The following GNG7 variants were observed in gnomAD, a reference collection of about 807,000 sequenced individuals.
The protein encoded by GNG7 is G protein subunit gamma 7, also known as guanine nucleotide-binding protein G(I)/G(S)/G(O) subunit gamma-7.
GNG7 carries 1 observed loss-of-function variant against 4.0 expected under a neutral mutation model. The ratio of observed to expected loss-of-function variants is 0.25; its 90% CI spans 0.09 to 1.18. The LOEUF (loss-of-function observed/expected upper bound fraction) is 1.18. Ranked by LOEUF, GNG7 falls within the 50% of genes most tolerant of loss-of-function variation. The probability of loss-of-function intolerance (pLI) is 0.50; values close to 1 mark genes in which losing one functional copy is unlikely to be tolerated. For synonymous variants in GNG7, 34 were observed against 36.9 expected, an observed-to-expected ratio of 0.92 and a Z score of 0.29; for missense variants, 86 against 91.9, an observed-to-expected ratio of 0.94 and a Z score of 0.26.
intron 1 of GNG7, among the ~76,000 whole-genome samples, chr19:2,655,249 AG>A (rs1464172056): frequency 6.6e-6 from 1 of 151,890 alleles, no homozygotes; most frequent in Non-Finnish European, 1.5e-5. Flanking sequence ...CTCAAAAAAA[AG>A]AGGGGGTTAA....
At chr19:2,594,358 G>A (rs1295069703) in intron 2 of GNG7, among the ~76,000 whole-genome samples, 1 of 150,610 alleles carries the variant, frequency 6.6e-6, no homozygotes, top group East Asian at 1.9e-4. Context: ...CTAGGCGACA[G>A]AGTGAGACTC....
At chr19:2,628,869 C>T (rs150157113) in intron 2 of GNG7, among the ~76,000 whole-genome samples, 163 of 152,246 alleles carry the variant, frequency 1.1e-3, no homozygotes, top group African/African-American at 3.7e-3. Context: ...ATCCCTTTAC[C>T]GAACACACGA....
At chr19:2,690,504 G>T (rs978127773) in intron 1 of GNG7, among the ~76,000 whole-genome samples, 2 of 152,194 alleles carry the variant, frequency 1.3e-5, no homozygotes, top group Non-Finnish European at 2.9e-5. Flanking sequence ...TGGACTGGAC[G>T]TGCTCCAAGC....
At chr19:2,574,403 C>T (rs1352694351) in intron 2 of GNG7, among the ~76,000 whole-genome samples, 1 of 152,242 alleles carries the variant, frequency 6.6e-6, no homozygotes, top group Admixed American at 6.5e-5. Flanking sequence ...TCCCCAGCCC[C>T]TGGCACTCAC....
At chr19:2,516,841 G>C (rs3752175) in intron 4 of GNG7, 26,067 of 152,402 alleles carry the variant, frequency 0.17, 2,351 homozygotes, top group African/African-American at 0.22. Flanking sequence ...TCACAGGAGG[G>C]ACCCCCTGCC....
At chr19:2,621,192 C>T (rs1385893816) in intron 2 of GNG7, among the ~76,000 whole-genome samples, 1 of 152,106 alleles carries the variant, frequency 6.6e-6, no homozygotes, top group South Asian at 2.1e-4. Context: ...CGGGGAACCT[C>T]GGAAAATGAC....
rs1972666087 is a variant in GNG7 at position 2,512,204 on chromosome 19, GGTGCACGC to G, written c.*2810_*2817del. 1 of 985,782 alleles carries G rather than the reference GGTGCACGC, an allele frequency of 1.0e-6. No individual in the cohort carries two copies. Among genetic ancestry groups the G allele is most frequent in the African/African-American group, 1.7e-5 (1 of 57,228 alleles). The allele number at this position is 985,782 out of a possible 1,614,324, so 61.1% of individuals were successfully genotyped here. ...CCCGCCCGCCAGCTCCCCGTCTGGA[GGTGCACGC>G]GCGCTCCTGGAAACGCCCATAAAAC... On this transcript the variant is annotated 3_prime_UTR_variant, in exon 5 of 5. Coordinates refer to ENST00000382159, the MANE Select transcript of GNG7 (RefSeq NM_052847.3). The surrounding 1 kb of genome is among the most constrained non-coding windows in gnomAD (Gnocchi z 4.7).
In GNG7 at chr19:2,661,245, AAAAGAAAGAAAG is replaced by A. The variant is rs368412587; in HGVS notation, c.-134-14977_-134-14966del. Among the ~76,000 whole-genome samples, 140 of 93,852 alleles carry A rather than the reference AAAAGAAAGAAAG, an allele frequency of 1.5e-3. 2 individuals are homozygous for A. Among genetic ancestry groups the A allele is most frequent in the African/African-American group, 5.7e-3 (136 of 23,660 alleles). 61.6% of individuals were successfully genotyped at this position (93,852 alleles called of 152,430 possible). A position where few individuals can be genotyped will look rare whatever the true frequency, so the allele number is the denominator to read the frequency against. Reference sequence around the variant, plus strand: ...AAAAAAGAAAAGGAAAGAAAGAAAGAAAAGAAAGAAAGAAAGAAAGAAAGAAAAGAAAGAAAG... The same window carrying A: ...AAAAAAGAAAAGGAAAGAAAGAAAGAAAAGAAAGAAAGAAAAGAAAGAAAG... On this transcript the variant is annotated intron_variant, in intron 1 of 4. Transcript: ENST00000382159.
chr19:2,558,509 A>C (rs1216552870), intron 2 of GNG7, among the ~76,000 whole-genome samples: 1 of 152,140 alleles, frequency 6.6e-6, no homozygotes, highest in East Asian at 1.9e-4. Flanking sequence ...GCTGGATGAC[A>C]GGTGTGTGCC....
intron 3 of GNG7, among the ~76,000 whole-genome samples, chr19:2,553,097 C>T (rs1434456411): frequency 1.4e-5 from 2 of 146,162 alleles, no homozygotes; most frequent in South Asian, 2.1e-4. Context: ...ATTGACAAAC[C>T]TCTAGCGGGG....
At chr19:2,549,177 C>T (rs141239173) in intron 3 of GNG7, among the ~76,000 whole-genome samples, 51 of 152,278 alleles carry the variant, frequency 3.3e-4, no homozygotes, top group African/African-American at 6.5e-4. Flanking sequence ...CAACGCTCGA[C>T]GCTCAAACAC....
At position 2,690,104 on chromosome 19, in the gene GNG7, G is replaced by A. The variant is rs902737977; in HGVS notation, c.-135+12542C>T. On this transcript the variant is annotated intron_variant, in intron 1 of 4. Coordinates refer to ENST00000382159, the MANE Select transcript of GNG7 (RefSeq NM_052847.3). ...TTCCAACCATTTAAAAATGGAGGCC[G>A]GGCACGGTGGCTCACGTCTGTAATC... Among the ~76,000 whole-genome samples the A allele has an allele frequency of 5.9e-5, 9 of 152,140 alleles. 1 individual carries two copies. The East Asian group carries it at 9.7e-4, about 16-fold the overall frequency.
At chr19:2,678,321 T>C (rs544699312) in intron 1 of GNG7, among the ~76,000 whole-genome samples, 1 of 152,362 alleles carries the variant, frequency 6.6e-6, no homozygotes, top group South Asian at 2.1e-4. Flanking sequence ...TGTTCTGGAA[T>C]CTTCCAGAAG....
At chr19:2,621,965 A>AT (rs1002316702) in intron 2 of GNG7, among the ~76,000 whole-genome samples, 3 of 152,050 alleles carry the variant, frequency 2.0e-5, no homozygotes, top group African/African-American at 7.2e-5. Flanking sequence ...GTCACCTGTT[A>AT]TGGCAGCCAC....
chr19:2,681,253 G>A (rs1025658768), intron 1 of GNG7, among the ~76,000 whole-genome samples: 5 of 151,078 alleles, frequency 3.3e-5, no homozygotes, highest in Admixed American at 1.3e-4. Context: ...GCACGATCTC[G>A]GCTCACTGCA....
intron 1 of GNG7, among the ~76,000 whole-genome samples, chr19:2,674,932 G>A (rs1481244172): frequency 6.6e-6 from 1 of 152,146 alleles, no homozygotes; most frequent in Non-Finnish European, 1.5e-5. Flanking sequence ...AAACGGACTC[G>A]GTTAGAAAAC....
chr19:2,551,377 C>G (rs1245479580), intron 3 of GNG7, among the ~76,000 whole-genome samples: 2 of 152,148 alleles, frequency 1.3e-5, no homozygotes, highest in African/African-American at 2.4e-5. Flanking sequence ...TCATCACTGT[C>G]TTCGTCGTCA....
intron 1 of GNG7, among the ~76,000 whole-genome samples, chr19:2,661,302 GA>G (rs1358939521): frequency 2.9e-4 from 21 of 73,110 alleles, no homozygotes; most frequent in African/African-American, 8.7e-4. Flanking sequence ...AAGAAAGAAA[GA>G]GAAAGAAAGA....
intron 2 of GNG7, among the ~76,000 whole-genome samples, chr19:2,568,138 T>C (rs999107445): frequency 4.2e-5 from 6 of 143,862 alleles, no homozygotes; most frequent in East Asian, 2.1e-4. Context: ...CATACACACA[T>C]ATACACATGC....
Sources: allele counts gnomAD v4.1 joint callset (sites outside exome capture counted in the v4.1 genomes callset), GRCh38; gene constraint gnomAD v4.1.1; non-coding constraint Gnocchi (gnomAD v3.1); transcripts MANE v1.5; gene names NCBI Gene and HGNC (gene_info 2026-07-23, HGNC 2026-07-21).